The following MAPK9 variants were observed in gnomAD, a reference collection of about 807,000 sequenced individuals.
MAPK9 encodes the protein Jun kinase.
A neutral mutation model predicts 57.1 loss-of-function variants in MAPK9; 30 were observed. The observed-to-expected ratio is 0.53, with a 90% CI of 0.39 to 0.71. MAPK9 has a LOEUF of 0.71. Ranked by LOEUF, MAPK9 falls within the 30% of genes least tolerant of loss-of-function variation. MAPK9 has a pLI of 0.00. For synonymous variants in MAPK9, 155 were observed against 177.0 expected, an observed-to-expected ratio of 0.88 and a Z score of 0.99; for missense variants, 362 against 521.0, an observed-to-expected ratio of 0.69 and a Z score of 2.97.
chr5:180,256,028 A>C (rs1759238966), intron 5 of MAPK9, among the ~76,000 whole-genome samples: 1 of 152,228 alleles, frequency 6.6e-6, no homozygotes, highest in Admixed American at 6.5e-5. Context: ...TCTTTGAAGG[A>C]TGTAAGTTCA....
intron 5 of MAPK9, among the ~76,000 whole-genome samples, chr5:180,255,203 G>C (rs971341169): frequency 6.6e-6 from 1 of 152,148 alleles, no homozygotes; most frequent in Non-Finnish European, 1.5e-5. Flanking sequence ...AAGAGTTTCA[G>C]ACATTTGAGG....
chr5:180,257,516 C>T (rs967761695), intron 5 of MAPK9, among the ~76,000 whole-genome samples: 6 of 152,144 alleles, frequency 3.9e-5, no homozygotes, highest in Non-Finnish European at 5.9e-5. Context: ...TATCTATTTC[C>T]GATAAAATTA....
Position 180,247,866 on chromosome 5 carries a change from G to C in MAPK9, c.617-356C>G, listed in dbSNP as rs747238918. 1.9e-6 allele frequency: 3 copies of C among 1,614,044 alleles called. No individual in the cohort carries two copies. The East Asian group carries it at 6.7e-5, about 36-fold the overall frequency. ...CCTGTGAAGGATACAGTCTCTTCCC[G>C]GGAACAGGACTTTATGGAGGACCAT... On this transcript the variant is annotated intron_variant, in intron 6 of 11. Transcript: ENST00000452135. The surrounding 1 kb of genome is among the most constrained non-coding windows in gnomAD (Gnocchi z 4.5).
Position 180,236,423 on chromosome 5 carries a change from A to G in MAPK9, c.1236T>C (p.Ser412=). The change falls in exon 12 of 12, where the codon AGT becomes AGC. Residue 412 remains serine, a synonymous_variant. Coordinates refer to ENST00000452135, the MANE Select transcript of MAPK9 (RefSeq NM_002752.5). ...CAAGGGGTCCCGTCGAGGCATCAAG[A>G]CTGCTGTCTGTGTCTGAGGCCAGCG... is the stretch of plus-strand genomic sequence containing the variant. ...EQTLASDTDS[S]LDASTGPLEG... 1 of 1,613,614 alleles carries G rather than the reference A, an allele frequency of 6.2e-7. No homozygotes were observed. Among genetic ancestry groups the G allele is most frequent in the Non-Finnish European group, 8.5e-7 (1 of 1,179,638 alleles).
At chr5:180,269,520 C>A in intron 2 of MAPK9, 111 bp from the exon 3 acceptor site, 3 of 1,050,042 alleles carry the variant, frequency 2.9e-6, no homozygotes, top group Admixed American at 2.2e-5. Context: ...AAGGAAAAAT[C>A]TGCTTATTTC....
chr5:180,241,798 A>C (rs1295940967), intron 8 of MAPK9, among the ~76,000 whole-genome samples: 2 of 152,222 alleles, frequency 1.3e-5, no homozygotes, highest in Non-Finnish European at 2.9e-5. Flanking sequence ...GAAGGTGGCA[A>C]TTGCCGAGCT....
In MAPK9 at chr5:180,236,371, T is replaced by C; in HGVS notation, c.*13A>G. 6 of 1,594,112 alleles carry C rather than the reference T, an allele frequency of 3.8e-6. No homozygotes were observed. Among genetic ancestry groups the C allele is most frequent in the Non-Finnish European group, 5.2e-6 (6 of 1,164,986 alleles). ...GTTCCTTCAATGCTGACAGGTTTGC[T>C]ATTTCTAACCTATCATCGACAGCCT... On this transcript the variant is annotated 3_prime_UTR_variant, in exon 12 of 12. Transcript: ENST00000452135.
At chr5:180,240,663 A>G (rs919818122) in intron 9 of MAPK9, among the ~76,000 whole-genome samples, 10 of 152,242 alleles carry the variant, frequency 6.6e-5, no homozygotes, top group Non-Finnish European at 1.3e-4. Context: ...TTAGGGAAGG[A>G]TAAACAGACG....
rs150274106 is a variant in MAPK9 at position 180,257,148 on chromosome 5, C to T, written c.450+4536G>A. 1.6e-3 allele frequency among the ~76,000 whole-genome samples: 247 copies of T among 152,244 alleles called. 1 individual carries two copies. The highest frequency in any genetic ancestry group is 5.8e-3 in the African/African-American group (240 of 41,524). ...GGCAGATGGGAGGCTGTCAGCTAGC[C>T]CTGGGAGGACAAGAGCTATCCCTGA... On this transcript the variant is annotated intron_variant, in intron 5 of 11. Transcript: ENST00000452135.
chr5:180,269,481 T>C (rs1032255431), intron 2 of MAPK9, 72 bp from the exon 3 acceptor site: 2 of 1,362,524 alleles, frequency 1.5e-6, no homozygotes, highest in South Asian at 1.2e-5. Context: ...AGAATATACA[T>C]TGAATATATC....
At chr5:180,255,236 G>A (rs1474192311) in intron 5 of MAPK9, among the ~76,000 whole-genome samples, 1 of 152,096 alleles carries the variant, frequency 6.6e-6, no homozygotes, top group East Asian at 1.9e-4. Flanking sequence ...TCTCTCCCCT[G>A]TGGCAATTTA....
chr5:180,274,050 T>C (rs1761601809), intron 2 of MAPK9, among the ~76,000 whole-genome samples: 1 of 152,222 alleles, frequency 6.6e-6, no homozygotes, highest in Non-Finnish European at 1.5e-5. Flanking sequence ...ATGACCTTCA[T>C]GGTATTAAAT....
At chr5:180,275,147 G>A (rs893311366) in intron 2 of MAPK9, among the ~76,000 whole-genome samples, 2 of 152,072 alleles carry the variant, frequency 1.3e-5, no homozygotes, top group African/African-American at 4.8e-5. Context: ...GTTTCTGCAG[G>A]ATTTTATTCA....
chr5:180,251,742 G>C (rs985178317), intron 5 of MAPK9, among the ~76,000 whole-genome samples: 1 of 152,202 alleles, frequency 6.6e-6, no homozygotes, highest in Non-Finnish European at 1.5e-5. Flanking sequence ...AGTGACGCCT[G>C]GATCGGGGCT....
chr5:180,252,363 C>T (rs1758801939), intron 5 of MAPK9, among the ~76,000 whole-genome samples: 1 of 152,154 alleles, frequency 6.6e-6, no homozygotes, highest in South Asian at 2.1e-4. Flanking sequence ...CCAGGACTGC[C>T]AGTGCCGTAA....
chr5:180,248,002 C>A, intron 6 of MAPK9: 1 of 1,403,810 alleles, frequency 7.1e-7, no homozygotes. Context: ...CAGGACAAAC[C>A]CGGTACACGT....
intron 2 of MAPK9, among the ~76,000 whole-genome samples, chr5:180,273,419 G>C (rs1052396934): frequency 6.6e-6 from 1 of 151,698 alleles, no homozygotes; most frequent in Non-Finnish European, 1.5e-5. Context: ...GATGGGGGGA[G>C]TCTCATTATG....
Position 180,265,360 on chromosome 5 carries a change from T to C in MAPK9, c.253-521A>G, listed in dbSNP as rs560176578. Among the ~76,000 whole-genome samples, 13 of 152,284 alleles carry C rather than the reference T, an allele frequency of 8.5e-5. No homozygotes were observed. The South Asian group carries it at 2.7e-3, about 32-fold the overall frequency. ...CCCACCCAAATCTCATCTTGAATTG[T>C]AATCCCCATAATCCCCACGTGTCTA... is the stretch of plus-strand genomic sequence containing the variant. On this transcript the variant is annotated intron_variant, in intron 3 of 11. Transcript: ENST00000452135.
chr5:180,292,003 G>C lies in MAPK9; in HGVS notation c.-203C>G, dbSNP rs535296084. The C allele has an allele frequency of 6.3e-6, 1 of 157,796 alleles. No homozygotes were observed. Among genetic ancestry groups the C allele is most frequent in the Admixed American group, 6.6e-5 (1 of 15,044 alleles). The allele number at this position is 157,796 out of a possible 1,614,324, so 9.8% of individuals were successfully genotyped here. A position where few individuals can be genotyped will look rare whatever the true frequency, so the allele number is the denominator to read the frequency against. On this transcript the variant is annotated 5_prime_UTR_variant, in exon 1 of 12. Transcript: ENST00000452135. ...CGCCGCCGCCGCCGCCGCCGCAGTG[G>C]GTGTGAGGGGCGCCGGGGCGCTGCG...
Sources: allele counts gnomAD v4.1 joint callset (sites outside exome capture counted in the v4.1 genomes callset), GRCh38; gene constraint gnomAD v4.1.1; non-coding constraint Gnocchi (gnomAD v3.1); transcripts MANE v1.5; gene names NCBI Gene and HGNC (gene_info 2026-07-23, HGNC 2026-07-21).